Variants in SNTG1 observed in about 807,000 individuals in gnomAD.
SNTG1 encodes syntrophin gamma 1.
In SNTG1, 39 loss-of-function variants were observed where a neutral mutation model predicts 74.7. The ratio of observed to expected loss-of-function variants is 0.52; its 90% CI spans 0.40 to 0.68. The LOEUF (loss-of-function observed/expected upper bound fraction) is 0.68. Among genes scored for constraint, SNTG1 ranks in the 30% least tolerant of loss-of-function variants. SNTG1 has a pLI of 0.00. For synonymous variants in SNTG1, 254 were observed against 217.1 expected (o/e 1.17, Z -1.49); for missense variants, 685 against 609.5 (o/e 1.12, Z -1.30).
At chr8:50,443,439 TAAC>T (rs1367420630) in intron 5 of SNTG1, among the ~76,000 whole-genome samples, 1 of 152,156 alleles carries the variant, frequency 6.6e-6, no homozygotes, top group Non-Finnish European at 1.5e-5. Flanking sequence ...TTGGAAGATT[TAAC>T]ACTACAGCAG....
intron 2 of SNTG1, among the ~76,000 whole-genome samples, chr8:50,308,741 T>C (rs1245230591): frequency 6.6e-6 from 1 of 152,210 alleles, no homozygotes; most frequent in East Asian, 1.9e-4. Context: ...AAATAAAAGT[T>C]GCTATCATTT....
At chr8:50,726,846 C>G (rs895046048) in intron 17 of SNTG1, among the ~76,000 whole-genome samples, 4 of 151,778 alleles carry the variant, frequency 2.6e-5, no homozygotes, top group Non-Finnish European at 5.9e-5. Context: ...GAGACTCTGT[C>G]TCAAAAAACA....
intron 2 of SNTG1, among the ~76,000 whole-genome samples, chr8:50,233,974 G>GA (rs557003397): frequency 6.6e-6 from 1 of 151,664 alleles, no homozygotes; most frequent in Non-Finnish European, 1.5e-5. Context: ...AAGCCACTCT[G>GA]AAAAAAATGC....
rs146951079 is a variant in SNTG1 at position 50,705,417 on chromosome 8, T to A, written c.1191+665T>A. Among the ~76,000 whole-genome samples, 9 of 152,270 alleles carry A rather than the reference T, an allele frequency of 5.9e-5. No homozygotes were observed. In the East Asian group the frequency reaches 1.7e-3, roughly 29 times the overall value. On this transcript the variant is annotated intron_variant, in intron 16 of 18. Transcript: ENST00000642720. ...ATTTTTACATGAAGTCATTAACACA[T>A]ACAACAATAAAAATCATAAAAGTAA...
At chr8:49,914,827 C>G (rs1168320724) in intron 1 of SNTG1, 1 of 152,088 alleles carries the variant, frequency 6.6e-6, no homozygotes, top group Non-Finnish European at 1.5e-5. Context: ...TTAAGCAACA[C>G]AAAAGCCACT....
At chr8:50,220,441 A>G (rs1232156138) in intron 2 of SNTG1, among the ~76,000 whole-genome samples, 1 of 152,174 alleles carries the variant, frequency 6.6e-6, no homozygotes, top group Non-Finnish European at 1.5e-5. Context: ...GCAGCTTTGT[A>G]ACAAGAGGAC....
intron 18 of SNTG1, among the ~76,000 whole-genome samples, chr8:50,774,755 G>C (rs542438284): frequency 6.6e-6 from 1 of 151,632 alleles, no homozygotes; most frequent in Non-Finnish European, 1.5e-5. Context: ...TTATATCACT[G>C]TGTCTTTGGG....
intron 13 of SNTG1, among the ~76,000 whole-genome samples, chr8:50,626,805 G>A (rs1179520677): frequency 1.3e-5 from 2 of 152,146 alleles, no homozygotes; most frequent in Non-Finnish European, 2.9e-5. Context: ...CAGTGCAGCA[G>A]AGATTTTGTT....
At chr8:50,374,974 T>A (rs2092346258) in intron 2 of SNTG1, among the ~76,000 whole-genome samples, 1 of 152,104 alleles carries the variant, frequency 6.6e-6, no homozygotes, top group Non-Finnish European at 1.5e-5. Context: ...AAAGTGAAGG[T>A]GTAATGTGTC....
chr8:50,591,865 T>C lies in SNTG1; in HGVS notation c.849+948T>C, dbSNP rs2094693986. Among the ~76,000 whole-genome samples, 2 of 152,164 alleles carry C rather than the reference T, an allele frequency of 1.3e-5. 1 individual carries two copies. The highest frequency in any genetic ancestry group is 1.3e-4 in the Admixed American group (2 of 15,272). Reference sequence around the variant, plus strand: ...CCCTCTGCCCTGAGCCAAGTTGATATCTTGGATAAATGCAGAGGTTGGAGA... The same window carrying C: ...CCCTCTGCCCTGAGCCAAGTTGATACCTTGGATAAATGCAGAGGTTGGAGA... On this transcript the variant is annotated intron_variant, in intron 13 of 18. Transcript: ENST00000642720.
chr8:50,217,434 AC>A, intron 2 of SNTG1, among the ~76,000 whole-genome samples: 1 of 152,082 alleles, frequency 6.6e-6, no homozygotes, highest in Non-Finnish European at 1.5e-5. Context: ...TTGCAATAAA[AC>A]CCAGTCACCT....
At chr8:50,061,551 C>T in intron 1 of SNTG1, among the ~76,000 whole-genome samples, 1 of 151,862 alleles carries the variant, frequency 6.6e-6, no homozygotes, top group East Asian at 1.9e-4. Context: ...GATTTGGTTT[C>T]CCTCCCCACT....
chr8:50,678,879 G>C (rs1031339473), intron 15 of SNTG1, among the ~76,000 whole-genome samples: 11 of 151,736 alleles, frequency 7.2e-5, no homozygotes, highest in African/African-American at 2.7e-4. Context: ...GCACTCCTGT[G>C]GTATGTTTTC....
rs541687631 is a variant in SNTG1 at position 50,179,868 on chromosome 8, T to C, written c.-28+7233T>C. Among the ~76,000 whole-genome samples, 5 of 152,294 alleles carry C rather than the reference T, an allele frequency of 3.3e-5. No individual in the cohort carries two copies. The East Asian group carries it at 9.7e-4, about 29-fold the overall frequency. On this transcript the variant is annotated intron_variant, in intron 2 of 18. Transcript: ENST00000642720. ...GGAACAGCTATTGTGAAAAACTGCA[T>C]GGAGTTTTCTCAAAAAATTAAAAAC... is the stretch of plus-strand genomic sequence containing the variant.
intron 1 of SNTG1, among the ~76,000 whole-genome samples, chr8:50,064,722 G>GT (rs1401356896): frequency 1.1e-4 from 17 of 152,160 alleles, no homozygotes; most frequent in South Asian, 6.2e-4. Context: ...TGCTTGCTCT[G>GT]TTTTTTCTGC....
intron 1 of SNTG1, among the ~76,000 whole-genome samples, chr8:49,974,310 G>T (rs1194830257): frequency 6.6e-6 from 1 of 152,106 alleles, no homozygotes; most frequent in East Asian, 1.9e-4. Flanking sequence ...TACCTTCCTA[G>T]CCCTCCATGT....
At chr8:50,595,308 A>G (rs1403796404) in intron 13 of SNTG1, among the ~76,000 whole-genome samples, 1 of 152,018 alleles carries the variant, frequency 6.6e-6, no homozygotes, top group Non-Finnish European at 1.5e-5. Flanking sequence ...AATCCACCTC[A>G]AAAAAAGTAA....
At chr8:50,286,519 C>T (rs2088794082) in intron 2 of SNTG1, 1 of 152,130 alleles carries the variant, frequency 6.6e-6, no homozygotes. Flanking sequence ...CCACATTTTT[C>T]TCTTGATATT....
chr8:50,374,049 G>A (rs967726153), intron 2 of SNTG1, among the ~76,000 whole-genome samples: 1 of 152,164 alleles, frequency 6.6e-6, no homozygotes, highest in Non-Finnish European at 1.5e-5. Context: ...TTGAAGCTAT[G>A]TATTAGTGTT....
Sources: gnomAD v4.1 joint callset for allele counts (sites outside exome capture counted in the v4.1 genomes callset) on GRCh38, gnomAD v4.1.1 for gene constraint, MANE v1.5 for transcripts, NCBI Gene and HGNC (gene_info 2026-07-23, HGNC 2026-07-21) for gene names.